Variants in UNC93A observed in about 807,000 individuals in gnomAD.
The protein encoded by UNC93A is N-acetylglucosamine transporter UNC93A.
UNC93A carries 43 observed loss-of-function variants against 47.5 expected under a neutral mutation model. The observed-to-expected ratio is 0.91, with a 90% CI of 0.71 to 1.17. UNC93A has a LOEUF of 1.17. Ranked by LOEUF, UNC93A falls within the 50% of genes most tolerant of loss-of-function variation. The pLI, the probability that UNC93A is intolerant of heterozygous loss-of-function variation, is 0.00. For missense variants in UNC93A, 605 were observed against 577.6 expected (o/e 1.05, Z -0.49); for synonymous variants, 280 against 258.0 (o/e 1.09, Z -0.82).
intron 1 of UNC93A, among the ~76,000 whole-genome samples, chr6:167,280,718 A>G (rs1249040556): frequency 6.6e-6 from 1 of 152,110 alleles, no homozygotes; most frequent in Non-Finnish European, 1.5e-5. Flanking sequence ...TCCTCAAATG[A>G]TTGTTGTATA....
At chr6:167,284,638 A>G (rs1181124116) in intron 1 of UNC93A, among the ~76,000 whole-genome samples, 2 of 152,280 alleles carry the variant, frequency 1.3e-5, no homozygotes, top group Non-Finnish European at 2.9e-5. Flanking sequence ...GCTCAATATC[A>G]TTCATTAACT....
In UNC93A at chr6:167,295,482, GAA is replaced by G. The variant is rs1562350058; in HGVS notation, c.270-549_270-548del. Among the ~76,000 whole-genome samples the G allele has an allele frequency of 2.6e-3, 233 of 90,052 alleles. 20 individuals carry two copies. Among genetic ancestry groups the G allele is most frequent in the African/African-American group, 0.014 (190 of 13,700 alleles). The allele number at this position is 90,052 out of a possible 152,430, so 59.1% of individuals were successfully genotyped here. On this transcript the variant is annotated intron_variant, in intron 2 of 7. Transcript: ENST00000230256. ...CCCTCGTGCTCCTCGCCTCCCTCGT[GAA>G]CCTCGCCTCCCTCGTGATCCTCGCC...
intron 6 of UNC93A, among the ~76,000 whole-genome samples, chr6:167,306,789 G>T (rs951976198): frequency 1.3e-5 from 2 of 152,200 alleles, no homozygotes; most frequent in African/African-American, 4.8e-5. Flanking sequence ...GGAGGGACTT[G>T]CCTAAGGTGG....
intron 7 of UNC93A, among the ~76,000 whole-genome samples, chr6:167,311,006 T>C (rs570874822): frequency 6.6e-6 from 1 of 152,370 alleles, no homozygotes; most frequent in Admixed American, 6.5e-5. Flanking sequence ...AGGCTGGCTC[T>C]CCATGCAGCA....
intron 7 of UNC93A, among the ~76,000 whole-genome samples, chr6:167,312,944 G>T (rs1294931962): frequency 2.6e-5 from 4 of 152,156 alleles, no homozygotes; most frequent in African/African-American, 9.7e-5. Context: ...CACACGTGTG[G>T]CTTCCCCTTT....
At position 167,282,413 on chromosome 6, in the gene UNC93A, G is replaced by T. The variant is rs1783649378; in HGVS notation, c.-51-9026G>T. ...TCTGTGGGGGAGGGGGATTTTTTGT[G>T]CTGATTCTTTCCTGGAACAGAAAAA... On this transcript the variant is annotated intron_variant, in intron 1 of 3. Coordinates refer to the UNC93A transcript ENST00000503433. Among the ~76,000 whole-genome samples the T allele has an allele frequency of 2.0e-5, 3 of 152,160 alleles. No homozygotes were observed. The South Asian group carries it at 6.2e-4, about 32-fold the overall frequency.
chr6:167,280,409 C>A (rs940948584), intron 1 of UNC93A, among the ~76,000 whole-genome samples: 2 of 152,092 alleles, frequency 1.3e-5, no homozygotes, highest in Non-Finnish European at 2.9e-5. Context: ...GGAATAGGCA[C>A]CCTTCATCTC....
upstream of UNC93A, among the ~76,000 whole-genome samples, chr6:167,287,845 G>A (rs532249682): frequency 1.2e-4 from 18 of 152,108 alleles, no homozygotes; most frequent in Admixed American, 7.2e-4. Context: ...CTCCGCACTC[G>A]GGCTCACCTA....
In UNC93A at chr6:167,306,008, A is replaced by G; in HGVS notation, c.934A>G (p.Lys312Glu). The G allele has an allele frequency of 6.2e-7, 1 of 1,614,166 alleles. No individual in the cohort carries two copies. Among genetic ancestry groups the G allele is most frequent in the African/African-American group, 1.3e-5 (1 of 75,028 alleles). Reference protein sequence around the residue: ...TDALCSVLYGKVSQYTGRAVL... With the variant: ...TDALCSVLYGEVSQYTGRAVL... ...CGCGCTGTGCTCCGTGTTGTATGGA[A>G]AGGTCTCGCAGTACACGGGCAGGGC... Residue 312 changes from lysine (K) to glutamate (E), a missense_variant, in exon 6 of 8, where the codon AAG (lysine) becomes GAG (glutamate). Lys to Glu is a moderately conservative substitution (Grantham distance 56). Coordinates refer to ENST00000230256, the MANE Select transcript of UNC93A (RefSeq NM_018974.4).
intron 7 of UNC93A, among the ~76,000 whole-genome samples, chr6:167,314,853 C>T (rs1304112906): frequency 6.6e-6 from 1 of 152,222 alleles, no homozygotes; most frequent in East Asian, 1.9e-4. Context: ...GTTCATCTTA[C>T]GTATGTTGAT....
intron 4 of UNC93A, among the ~76,000 whole-genome samples, chr6:167,302,935 C>A (rs1348935858): frequency 3.9e-5 from 6 of 152,164 alleles, no homozygotes; most frequent in Non-Finnish European, 8.8e-5. Flanking sequence ...GTCCTGCTCA[C>A]CCCGCCCAGG....
chr6:167,270,902 G>A (rs1783440952), upstream of UNC93A, among the ~76,000 whole-genome samples: 1 of 152,196 alleles, frequency 6.6e-6, no homozygotes, highest in South Asian at 2.1e-4. Flanking sequence ...GGGACAAGAA[G>A]TTCCTGTTGT....
At chr6:167,285,973 T>C in intron 1 of UNC93A, among the ~76,000 whole-genome samples, 1 of 150,192 alleles carries the variant, frequency 6.7e-6, no homozygotes, top group South Asian at 2.1e-4. Context: ...TATATATATA[T>C]ATATATACAC....
At chr6:167,295,914 G>T (rs540068473) in intron 2 of UNC93A, 118 bp from the exon 3 acceptor site, 4 of 868,132 alleles carry the variant, frequency 4.6e-6, no homozygotes, top group East Asian at 2.6e-5. Context: ...TCATCACCAC[G>T]CTTGCAATGG....
chr6:167,287,349 A>T (rs1011019474), upstream of UNC93A, among the ~76,000 whole-genome samples: 2 of 152,174 alleles, frequency 1.3e-5, no homozygotes, highest in African/African-American at 4.8e-5. Context: ...GCCCGTGTGG[A>T]GATGGGGTGT....
At chr6:167,313,365 C>T (rs756222753) in intron 7 of UNC93A, among the ~76,000 whole-genome samples, 49 of 152,118 alleles carry the variant, frequency 3.2e-4, no homozygotes, top group Non-Finnish European at 6.5e-4. Flanking sequence ...ATGTCAAGTT[C>T]TTCATGTGAC....
intron 1 of UNC93A, among the ~76,000 whole-genome samples, chr6:167,293,438 C>T (rs376387798): frequency 2.0e-5 from 3 of 152,164 alleles, no homozygotes; most frequent in Non-Finnish European, 2.9e-5. Context: ...CTTGAGCATG[C>T]GGACGTGCTT....
intron 4 of UNC93A, among the ~76,000 whole-genome samples, chr6:167,299,270 CCTT>C (rs916569724): frequency 4.0e-5 from 6 of 151,714 alleles, no homozygotes; most frequent in African/African-American, 9.7e-5. Context: ...TGGAATGGGT[CCTT>C]CTTAAAGATC....
At chr6:167,281,222 G>T (rs1361385600) in intron 1 of UNC93A, among the ~76,000 whole-genome samples, 2 of 151,824 alleles carry the variant, frequency 1.3e-5, no homozygotes, top group Non-Finnish European at 2.9e-5. Context: ...GCCCCAGGGG[G>T]ACAGCCCACC....
Sources: allele counts gnomAD v4.1 joint callset (sites outside exome capture counted in the v4.1 genomes callset), GRCh38; gene constraint gnomAD v4.1.1; transcripts MANE v1.5; gene names NCBI Gene and HGNC (gene_info 2026-07-23, HGNC 2026-07-21).